MAML3: variants seen among roughly 807,000 people sequenced by gnomAD.
MAML3 encodes the protein mastermind-like protein 3.
A neutral mutation model predicts 101.9 loss-of-function variants in MAML3; 27 were observed. That is an observed-to-expected ratio of 0.27 (90% CI 0.20 to 0.37). The LOEUF (loss-of-function observed/expected upper bound fraction) is 0.37, where lower values mean the gene tolerates loss of function less well. MAML3 is among the 10% of genes least tolerant of loss of function. The pLI is 1.00. For missense variants in MAML3, 1,316 were observed against 1,444.9 expected (o/e 0.91, Z 1.45); for synonymous variants, 501 against 555.9 (o/e 0.90, Z 1.39).
chr4:139,862,374 C>A (rs1731799245), intron 2 of MAML3, among the ~76,000 whole-genome samples: 1 of 152,140 alleles, frequency 6.6e-6, no homozygotes, highest in Non-Finnish European at 1.5e-5. Flanking sequence ...TCCACAGATG[C>A]CCCTCACATT....
At chr4:139,996,788 C>A (rs149704229) in intron 1 of MAML3, among the ~76,000 whole-genome samples, 5 of 151,730 alleles carry the variant, frequency 3.3e-5, no homozygotes, top group East Asian at 3.9e-4. Flanking sequence ...GGGCCAGGCA[C>A]GGTGGCTCAC....
At chr4:139,815,353 C>T (rs1293988928) in intron 2 of MAML3, among the ~76,000 whole-genome samples, 1 of 152,156 alleles carries the variant, frequency 6.6e-6, no homozygotes, top group Non-Finnish European at 1.5e-5. Context: ...TCATTCAGAG[C>T]TTATTATGTG....
At chr4:140,071,135 T>C (rs562421349) in intron 1 of MAML3, among the ~76,000 whole-genome samples, 2 of 152,248 alleles carry the variant, frequency 1.3e-5, no homozygotes, top group East Asian at 3.8e-4. Flanking sequence ...CTTGTCATTG[T>C]TGGGAGGACA....
At chr4:139,906,024 A>G (rs1732817619) in intron 1 of MAML3, among the ~76,000 whole-genome samples, 3 of 152,318 alleles carry the variant, frequency 2.0e-5, no homozygotes, top group South Asian at 4.1e-4. Context: ...GTACATATCA[A>G]TACAGCTCAG....
rs1579353894 is a variant in MAML3, at chr4:139,719,175, A to C, written c.*148T>G. The stretch of plus-strand genomic sequence containing the variant: ...AGGCCTGGTGGGGCTGTGGATTGGC[A>C]CCTGGATCTTCCATTGTCAGCCAGC... On this transcript the variant is annotated 3_prime_UTR_variant, in exon 5 of 5. Transcript: ENST00000509479. The C allele has an allele frequency of 2.3e-6, 2 of 872,780 alleles. No homozygotes were observed. The highest frequency in any genetic ancestry group is 3.4e-6 in the Non-Finnish European group (2 of 590,958). The allele number at this position is 872,780 out of a possible 1,614,324, so 54.1% of individuals were successfully genotyped here. A position where few individuals can be genotyped will look rare whatever the true frequency, so the allele number is the denominator to read the frequency against.
At chr4:140,000,022 C>T (rs912259523) in intron 1 of MAML3, among the ~76,000 whole-genome samples, 2 of 152,096 alleles carry the variant, frequency 1.3e-5, no homozygotes, top group South Asian at 2.1e-4. Context: ...GATTAATGAC[C>T]GTTTTTTAAA....
chr4:139,981,257 T>G (rs1423734505), intron 1 of MAML3, among the ~76,000 whole-genome samples: 1 of 152,214 alleles, frequency 6.6e-6, no homozygotes, highest in East Asian at 1.9e-4. Flanking sequence ...TTCTTTTCTT[T>G]TAAGGACACC....
intron 1 of MAML3, among the ~76,000 whole-genome samples, chr4:140,098,183 A>G (rs1728192885): frequency 6.6e-6 from 1 of 152,208 alleles, no homozygotes; most frequent in Admixed American, 6.5e-5. Context: ...TACCCAAACA[A>G]TATTGTGATA....
chr4:140,013,588 T>G (rs1484931328), intron 1 of MAML3, among the ~76,000 whole-genome samples: 1 of 152,226 alleles, frequency 6.6e-6, no homozygotes, highest in African/African-American at 2.4e-5. Flanking sequence ...TTTCCATGTA[T>G]TCTTCAAAAT....
intron 1 of MAML3, among the ~76,000 whole-genome samples, chr4:139,974,166 C>T (rs1001889308): frequency 7.4e-5 from 11 of 148,760 alleles, no homozygotes; most frequent in East Asian, 3.9e-4. Context: ...AGTGCAGTGG[C>T]GCTATCTCGG....
At chr4:139,725,703 G>A (rs768728748) in intron 4 of MAML3, 48 bp downstream of exon 4, 8 of 1,559,034 alleles carry the variant, frequency 5.1e-6, no homozygotes, top group South Asian at 2.2e-5. Flanking sequence ...ATTCACTTAC[G>A]CTTCACCACT....
At chr4:139,859,823 T>C (rs1296239226) in intron 2 of MAML3, among the ~76,000 whole-genome samples, 1 of 152,234 alleles carries the variant, frequency 6.6e-6, no homozygotes, top group Non-Finnish European at 1.5e-5. Context: ...TCCTCTTAAA[T>C]AATGTGTTAG....
intron 2 of MAML3, among the ~76,000 whole-genome samples, chr4:139,830,450 C>T (rs373555161): frequency 2.1e-5 from 3 of 143,912 alleles, no homozygotes; most frequent in East Asian, 2.0e-4. Context: ...AGTCTCGCTC[C>T]GTCACCCAGG....
At chr4:140,138,692 G>T (rs1372070911) in intron 1 of MAML3, among the ~76,000 whole-genome samples, 1 of 152,186 alleles carries the variant, frequency 6.6e-6, no homozygotes, top group Non-Finnish European at 1.5e-5. Context: ...ACGATGGACT[G>T]AAGTCCCACA....
At position 139,754,108 on chromosome 4, in the gene MAML3, T is replaced by C. The variant is rs368947825; in HGVS notation, c.2080-23441A>G. On this transcript the variant is annotated intron_variant, in intron 2 of 4. Transcript: ENST00000509479. Reference sequence around the variant, plus strand: ...AAAATATTAGTTGAATAGTAACATATAAACTGGCATATGCCCTATGACTGA... The same window carrying C: ...AAAATATTAGTTGAATAGTAACATACAAACTGGCATATGCCCTATGACTGA... Among the ~76,000 whole-genome samples, 173 of 152,364 alleles carry C rather than the reference T, an allele frequency of 1.1e-3. 3 individuals are homozygous for C. In the South Asian group the frequency reaches 0.015, roughly 13 times the overall value.
At chr4:139,751,273 G>T (rs1254071807) in intron 2 of MAML3, among the ~76,000 whole-genome samples, 1 of 152,180 alleles carries the variant, frequency 6.6e-6, no homozygotes. Flanking sequence ...TTCAGGTTGA[G>T]TATCCCTTAT....
intron 2 of MAML3, among the ~76,000 whole-genome samples, chr4:139,865,083 C>A (rs935121854): frequency 2.0e-5 from 3 of 151,800 alleles, no homozygotes; most frequent in Non-Finnish European, 4.4e-5. Context: ...TTCAGTTCTA[C>A]CAAGCATATT....
At chr4:139,902,834 G>A (rs1732753690) in intron 1 of MAML3, among the ~76,000 whole-genome samples, 1 of 152,186 alleles carries the variant, frequency 6.6e-6, no homozygotes, top group Admixed American at 6.5e-5. Context: ...TGTGGGCAGC[G>A]ATTTCAATTA....
chr4:139,729,814 G>A (rs932836302), intron 3 of MAML3, among the ~76,000 whole-genome samples: 2 of 152,216 alleles, frequency 1.3e-5, no homozygotes, highest in African/African-American at 4.8e-5. Flanking sequence ...TTTGTGTTAG[G>A]CTTTCCTTTA....
Sources: allele counts gnomAD v4.1 joint callset (sites outside exome capture counted in the v4.1 genomes callset), GRCh38; gene constraint gnomAD v4.1.1; transcripts MANE v1.5; gene names NCBI Gene and HGNC (gene_info 2026-07-23, HGNC 2026-07-21).